Variants in FRAS1 observed in about 807,000 individuals in gnomAD.
The protein encoded by FRAS1 is extracellular matrix organizing protein FRAS1.
FRAS1 carries 290 observed loss-of-function variants against 435.2 expected under a neutral mutation model. The observed-to-expected ratio is 0.67, with a 90% CI of 0.61 to 0.73. FRAS1 has a LOEUF of 0.73. FRAS1 is among the 30% of genes least tolerant of loss of function. The pLI, the probability that FRAS1 is intolerant of heterozygous loss-of-function variation, is 0.00. For missense variants in FRAS1, 4,860 were observed against 5,001.5 expected (o/e 0.97, Z 0.85); for synonymous variants, 1,800 against 1,851.0 (o/e 0.97, Z 0.71).
chr4:78,475,513 C>T lies in FRAS1; in HGVS notation c.7758C>T (p.Ile2586=), dbSNP rs77602894. 7,720 of 1,613,872 alleles carry T rather than the reference C, an allele frequency of 4.8e-3. 328 individuals are homozygous for T. In the African/African-American group the frequency reaches 0.086, roughly 18 times the overall value. ...CTGGGAACCTGAACCAATATGCCAT[C>T]GTCCTGTGTCGCACCGAGCAAGGCA... The part of the protein sequence containing the change: ...QRTGNLNQYA[I]VLCRTEQGTA... Residue 2586 remains isoleucine (I), a synonymous_variant, in exon 54 of 74, where the codon ATC becomes ATT. Transcript: ENST00000512123.
At chr4:78,464,325 C>T (rs1254377242) in intron 48 of FRAS1, 118 bp from the exon 49 acceptor site, 2 of 1,452,402 alleles carry the variant, frequency 1.4e-6, no homozygotes, top group Admixed American at 2.0e-5. Flanking sequence ...CTCTGGGGCT[C>T]CTAATTATTG....
At chr4:78,539,500 A>G (rs1487154423) in intron 73 of FRAS1, 60 bp downstream of exon 73, 3 of 1,408,330 alleles carry the variant, frequency 2.1e-6, no homozygotes, top group Non-Finnish European at 2.9e-6. Context: ...CTTGAAAAAA[A>G]AAAAAAAAAG....
At chr4:78,255,147 T>C in intron 5 of FRAS1, 95 bp from the exon 6 acceptor site, 1 of 1,247,914 alleles carries the variant, frequency 8.0e-7, no homozygotes, top group Non-Finnish European at 1.1e-6. Flanking sequence ...TGCACTGGGC[T>C]TCTGACCAAC....
At chr4:78,315,431 A>G (rs1729198600) in intron 15 of FRAS1, among the ~76,000 whole-genome samples, 163 bp from the exon 16 acceptor site, 1 of 152,232 alleles carries the variant, frequency 6.6e-6, no homozygotes, top group African/African-American at 2.4e-5. Context: ...CAAAAAGCAC[A>G]GAGTCCGATG....
chr4:78,068,142 T>A (rs865899977), intron 2 of FRAS1, among the ~76,000 whole-genome samples: 8 of 152,144 alleles, frequency 5.3e-5, no homozygotes, highest in South Asian at 2.1e-4. Flanking sequence ...AATGCATCTG[T>A]GAACAAACAG....
chr4:78,339,636 A>G (rs1443590098), intron 20 of FRAS1, among the ~76,000 whole-genome samples: 1 of 152,248 alleles, frequency 6.6e-6, no homozygotes, highest in East Asian at 1.9e-4. Flanking sequence ...CAGCAGGTAT[A>G]GCACGTGGGC....
chr4:78,345,713 CT>C (rs1207080263), intron 20 of FRAS1, among the ~76,000 whole-genome samples: 2 of 151,928 alleles, frequency 1.3e-5, no homozygotes, highest in Non-Finnish European at 2.9e-5. Context: ...CAATGATTGT[CT>C]TTCTTGCTCT....
chr4:78,057,992 G>A lies in FRAS1; in HGVS notation c.-18G>A, dbSNP rs750662462. 9.9e-6 allele frequency: 16 copies of A among 1,613,384 alleles called. No individual in the cohort carries two copies. In the East Asian group the frequency reaches 3.3e-4, roughly 34 times the overall value. The stretch of plus-strand genomic sequence containing the variant: ...ATGCTGAAGGCTGGGCTCCTCCATC[G>A]TGGGTGCCGAGGCGGCGATGGGTGT... On this transcript the variant is annotated 5_prime_UTR_variant, in exon 1 of 74. In the 5' UTR this introduces an upstream ATG that the reference lacks. Coordinates refer to ENST00000512123, the MANE Select transcript of FRAS1 (RefSeq NM_025074.7). This position sits in a 1 kb window ranked among gnomAD's most constrained non-coding sequence, Gnocchi z 4.2.
At chr4:78,205,280 C>A (rs1205600228) in intron 2 of FRAS1, among the ~76,000 whole-genome samples, 1 of 151,084 alleles carries the variant, frequency 6.6e-6, no homozygotes, top group African/African-American at 2.4e-5. Flanking sequence ...TGGCTCACTG[C>A]AGCTTGGAGT....
intron 2 of FRAS1, among the ~76,000 whole-genome samples, chr4:78,124,688 C>G (rs940772342): frequency 1.3e-5 from 2 of 152,158 alleles, no homozygotes; most frequent in African/African-American, 4.8e-5. Flanking sequence ...CAACTTCTTC[C>G]TGGTTTAGTC....
At chr4:78,413,709 G>A (rs1235088942) in intron 32 of FRAS1, among the ~76,000 whole-genome samples, 2 of 152,218 alleles carry the variant, frequency 1.3e-5, no homozygotes, top group African/African-American at 4.8e-5. Context: ...GGAGAAATCA[G>A]GAAGGCAGCA....
chr4:78,095,610 C>A (rs974807367), intron 2 of FRAS1, among the ~76,000 whole-genome samples: 1 of 152,212 alleles, frequency 6.6e-6, no homozygotes, highest in Non-Finnish European at 1.5e-5. Context: ...GGAGTCCTCA[C>A]AATCATGGCG....
intron 18 of FRAS1, among the ~76,000 whole-genome samples, chr4:78,324,708 CTTTTTTTTTTTT>C (rs139942839): frequency 1.1e-5 from 1 of 88,122 alleles, no homozygotes. Context: ...GCTCAGATTC[CTTTTTTTTTTTT>C]TTTTTTTTTT....
chr4:78,316,225 C>G (rs1470215344), intron 16 of FRAS1, among the ~76,000 whole-genome samples: 2 of 152,164 alleles, frequency 1.3e-5, no homozygotes, highest in Non-Finnish European at 2.9e-5. Context: ...ACTTATGCAG[C>G]CTAAACTATG....
At chr4:78,509,283 C>T (rs554608261) in intron 63 of FRAS1, among the ~76,000 whole-genome samples, 1 of 152,312 alleles carries the variant, frequency 6.6e-6, no homozygotes, top group South Asian at 2.1e-4. Context: ...GTCTCAGTCT[C>T]CTGATCTGCA....
intron 21 of FRAS1, 33 bp from the exon 22 acceptor site, chr4:78,363,875 A>T: frequency 6.3e-7 from 1 of 1,586,052 alleles, no homozygotes; most frequent in East Asian, 2.2e-5. Context: ...ATCTGACATC[A>T]TGGTTTCTGT....
At chr4:78,517,422 T>C (rs73828010) in intron 66 of FRAS1, among the ~76,000 whole-genome samples, 2,159 of 152,380 alleles carry the variant, frequency 0.014, 53 homozygotes, top group African/African-American at 0.049. Context: ...AATATTTTTA[T>C]TCAGAATATG....
intron 4 of FRAS1, among the ~76,000 whole-genome samples, chr4:78,250,185 A>C (rs1286780329): frequency 6.6e-6 from 1 of 152,166 alleles, no homozygotes; most frequent in South Asian, 2.1e-4. Context: ...AAAAGAGAAA[A>C]GTATACAAGC....
In FRAS1 at chr4:78,237,535, C is replaced by T. The variant is rs1234313557; in HGVS notation, c.134C>T (p.Ser45Leu). ...GATGCCACAATTTGGAAGCCCGATT[C>T]ATGCCAGAGCTGCCGTTGCCATGGT... ...LADATIWKPD[S>L]CQSCRCHGDI... is the part of the protein sequence containing the mutation. The change falls in exon 3 of 74, where the codon TCA becomes TTA. Residue 45 changes from serine (S) to leucine (L), a missense_variant. Coordinates refer to ENST00000512123, the MANE Select transcript of FRAS1 (RefSeq NM_025074.7). The T allele has an allele frequency of 6.2e-7, 1 of 1,613,234 alleles. No homozygotes were observed. Among genetic ancestry groups the T allele is most frequent in the Admixed American group, 1.7e-5 (1 of 59,980 alleles).
Sources: gnomAD v4.1 joint callset for allele counts (sites outside exome capture counted in the v4.1 genomes callset) on GRCh38, gnomAD v4.1.1 for gene constraint, Gnocchi (gnomAD v3.1) non-coding constraint, MANE v1.5 for transcripts, NCBI Gene and HGNC (gene_info 2026-07-23, HGNC 2026-07-21) for gene names.